The following ITPR1 variants were observed in gnomAD, a reference collection of about 807,000 sequenced individuals.
The protein encoded by ITPR1 is inositol 1,4,5-trisphosphate-gated calcium channel ITPR1.
A neutral mutation model predicts 318.4 loss-of-function variants in ITPR1; 96 were observed. The observed-to-expected ratio is 0.30, with a 90% CI of 0.26 to 0.36. ITPR1 has a LOEUF of 0.36. ITPR1 is among the 10% of genes least tolerant of loss of function. The pLI, the probability that ITPR1 is intolerant of heterozygous loss-of-function variation, is 1.00. For synonymous variants in ITPR1, 1,312 were observed against 1,289.9 expected, an observed-to-expected ratio of 1.02 and a Z score of -0.37; for missense variants, 2,440 against 3,460.2, an observed-to-expected ratio of 0.71 and a Z score of 7.40.
intron 5 of ITPR1, among the ~76,000 whole-genome samples, chr3:4,632,835 C>T (rs2093054850): frequency 6.7e-6 from 1 of 149,764 alleles, no homozygotes; most frequent in Non-Finnish European, 1.5e-5. Flanking sequence ...AAGAGAAAAA[C>T]AGAAATCTCT....
At chr3:4,732,047 G>T (rs562351075) in intron 42 of ITPR1, among the ~76,000 whole-genome samples, 1 of 152,290 alleles carries the variant, frequency 6.6e-6, no homozygotes, top group South Asian at 2.1e-4. Context: ...CCGGAAAGGA[G>T]TCCAGGGAAA....
chr3:4,819,583 G>C (rs191831791), intron 60 of ITPR1, among the ~76,000 whole-genome samples: 77 of 152,292 alleles, frequency 5.1e-4, no homozygotes, highest in Admixed American at 1.2e-3. Context: ...ATGATGAGGA[G>C]AAATATTCCT....
At chr3:4,700,582 G>C (rs2094632055) in intron 35 of ITPR1, among the ~76,000 whole-genome samples, 1 of 152,212 alleles carries the variant, frequency 6.6e-6, no homozygotes, top group Non-Finnish European at 1.5e-5. Context: ...AAGATCAGGA[G>C]TTTTCATGCA....
intron 59 of ITPR1, among the ~76,000 whole-genome samples, chr3:4,815,635 G>A (rs551021814): frequency 6.6e-6 from 1 of 152,120 alleles, no homozygotes; most frequent in Admixed American, 6.5e-5. Flanking sequence ...GAACGGCTAC[G>A]TAAAAGAGGT....
intron 60 of ITPR1, among the ~76,000 whole-genome samples, chr3:4,827,091 A>G (rs1389037554): frequency 6.6e-6 from 1 of 152,196 alleles, no homozygotes; most frequent in Non-Finnish European, 1.5e-5. Context: ...CACATGAAAT[A>G]CCTGCATACA....
chr3:4,564,388 C>A (rs1357383080), intron 4 of ITPR1, among the ~76,000 whole-genome samples: 2 of 152,116 alleles, frequency 1.3e-5, no homozygotes, highest in East Asian at 3.8e-4. Context: ...ACAGGTGTGG[C>A]CTTCTCCAAA....
At chr3:4,656,031 C>T (rs2093700412) in intron 12 of ITPR1, among the ~76,000 whole-genome samples, 1 of 152,206 alleles carries the variant, frequency 6.6e-6, no homozygotes, top group South Asian at 2.1e-4. Context: ...TCGGACCTCA[C>T]TTGGCTTTGT....
chr3:4,580,742 C>T (rs745612167), intron 4 of ITPR1, among the ~76,000 whole-genome samples: 3 of 152,158 alleles, frequency 2.0e-5, no homozygotes, highest in African/African-American at 4.8e-5. Flanking sequence ...GTGAGCAAGC[C>T]GCAGAGGCTG....
At position 4,645,656 on chromosome 3, in the gene ITPR1, C is replaced by T. The variant is rs542591284; in HGVS notation, c.783C>T (p.His261=). 1.8e-5 allele frequency: 29 copies of T among 1,613,478 alleles called. No individual in the cohort carries two copies. The highest frequency in any genetic ancestry group is 1.3e-4 in the African/African-American group (10 of 75,018). Residue 261 remains histidine (H), a synonymous_variant, in exon 10 of 62, where the codon CAC becomes CAT. Transcript: ENST00000649015. ...GTGACGAACACAGGAAGAAGCAGCA[C>T]GTCTTCCTGAGAACCACGGGCCGGC... ...LTCDEHRKKQ[H]VFLRTTGRQS... is the part of the protein sequence containing the mutation.
At chr3:4,641,843 A>G (rs976611729) in intron 6 of ITPR1, among the ~76,000 whole-genome samples, 19 of 152,342 alleles carry the variant, frequency 1.2e-4, no homozygotes, top group African/African-American at 4.1e-4. Flanking sequence ...AGCAACATCC[A>G]TCTTGTCCAA....
Position 4,788,100 on chromosome 3 carries a change from G to A in ITPR1, c.6769G>A (p.Asp2257Asn), listed in dbSNP as rs1387979441. ...KINDFFLRSEDLFNEMNWQKK... is the reference protein window; with the variant it reads ...KINDFFLRSENLFNEMNWQKK... ...CAATGATTTCTTTCTGCGGTCTGAAGACCTCTTCAATGAAATGAATTGGCA... is the reference window on the plus strand; with the variant it reads ...CAATGATTTCTTTCTGCGGTCTGAAAACCTCTTCAATGAAATGAATTGGCA... Residue 2257 changes from aspartate (D) to asparagine (N), a missense_variant, in exon 52 of 62, where the codon GAC (aspartate) becomes AAC (asparagine). Transcript: ENST00000649015. 6.2e-7 allele frequency: 1 copy of A among 1,608,840 alleles called. No individual in the cohort carries two copies. The highest frequency in any genetic ancestry group is 1.7e-5 in the Admixed American group (1 of 59,314).
In ITPR1 at chr3:4,779,424, T is replaced by A; in HGVS notation, c.6292-126T>A. On this transcript the variant is annotated intron_variant, in intron 48 of 61. Transcript: ENST00000649015. The surrounding 1 kb of genome is among the most constrained non-coding windows in gnomAD (Gnocchi z 4.0). The stretch of plus-strand genomic sequence containing the variant: ...ATTTTGATGTCCTTAACCCAGAGCT[T>A]CCTCATGGGGTGAAATGTTCGTCTG... 1 of 677,136 alleles carries A rather than the reference T, an allele frequency of 1.5e-6. No homozygotes were observed. 41.9% of individuals were successfully genotyped at this position (677,136 alleles called of 1,614,324 possible).
intron 12 of ITPR1, among the ~76,000 whole-genome samples, chr3:4,655,881 C>A (rs950669602): frequency 1.3e-5 from 2 of 152,146 alleles, no homozygotes; most frequent in African/African-American, 4.8e-5. Flanking sequence ...CACAGATCTG[C>A]CCGGTGGCAA....
Position 4,592,463 on chromosome 3 carries a change from G to A in ITPR1, c.164-35300G>A, listed in dbSNP as rs141086729. On this transcript the variant is annotated intron_variant, in intron 4 of 61. Transcript: ENST00000649015. ...TGATTCCTCTTGTTTTCCCTTTGTG[G>A]CCTTTGGATTAATCATGGTCCTCTA... 3.2e-4 allele frequency among the ~76,000 whole-genome samples: 48 copies of A among 151,908 alleles called. 1 individual carries two copies. The East Asian group carries it at 8.9e-3, about 28-fold the overall frequency.
rs1340780273 is a variant in ITPR1, at chr3:4,782,515, G to C, written c.6388-104G>C. The C allele has an allele frequency of 1.2e-5, 15 of 1,249,212 alleles. No homozygotes were observed. The Admixed American group carries it at 3.5e-4, about 29-fold the overall frequency. The allele number at this position is 1,249,212 out of a possible 1,614,324, so 77.4% of individuals were successfully genotyped here. On this transcript the variant is annotated intron_variant, in intron 49 of 61. Transcript: ENST00000649015. ...GCCCGATAGGAGAGAGTGCGGAACAGCCTTTTCCCTGGGAGGGGAGACAGC... is the reference window on the plus strand; with the variant it reads ...GCCCGATAGGAGAGAGTGCGGAACACCCTTTTCCCTGGGAGGGGAGACAGC...
intron 4 of ITPR1, among the ~76,000 whole-genome samples, chr3:4,624,114 T>C (rs915090753): frequency 6.6e-5 from 10 of 152,150 alleles, no homozygotes; most frequent in African/African-American, 2.4e-4. Context: ...CCACCCTGAG[T>C]GTCCCCCACA....
chr3:4,613,904 A>T (rs899493001), intron 4 of ITPR1, among the ~76,000 whole-genome samples: 12 of 152,244 alleles, frequency 7.9e-5, no homozygotes, highest in Admixed American at 7.2e-4. Flanking sequence ...CCACACTCAG[A>T]TTGAGATAGA....
chr3:4,718,637 T>C (rs1429243072), intron 40 of ITPR1, among the ~76,000 whole-genome samples: 1 of 152,242 alleles, frequency 6.6e-6, no homozygotes, highest in Non-Finnish European at 1.5e-5. Context: ...CCTGATGTGC[T>C]TACTGTTCTA....
chr3:4,800,374 G>C (rs1257853613), intron 53 of ITPR1, 51 bp from the exon 54 acceptor site: 1 of 1,582,536 alleles, frequency 6.3e-7, no homozygotes, highest in Non-Finnish European at 8.6e-7. Context: ...TCTGTCCCCT[G>C]TACTCAGTGA....
Sources: gnomAD v4.1 joint callset for allele counts (sites outside exome capture counted in the v4.1 genomes callset) on GRCh38, gnomAD v4.1.1 for gene constraint, Gnocchi (gnomAD v3.1) non-coding constraint, MANE v1.5 for transcripts, NCBI Gene and HGNC (gene_info 2026-07-23, HGNC 2026-07-21) for gene names.